The following GSTCD variants were observed in gnomAD, a reference collection of about 807,000 sequenced individuals.
GSTCD encodes glutathione S-transferase C-terminal domain-containing protein.
GSTCD carries 44 observed loss-of-function variants against 68.3 expected under a neutral mutation model. That is an observed-to-expected ratio of 0.64 (90% CI 0.51 to 0.83). The LOEUF (loss-of-function observed/expected upper bound fraction) is 0.83. Among genes scored for constraint, GSTCD ranks in the 40% least tolerant of loss-of-function variants. The probability of loss-of-function intolerance (pLI) is 0.00; values close to 1 mark genes in which losing one functional copy is unlikely to be tolerated. For synonymous variants in GSTCD, 273 were observed against 255.2 expected (o/e 1.07, Z -0.67); for missense variants, 739 against 735.9 (o/e 1.00, Z -0.05).
At position 105,731,321 on chromosome 4, in the gene GSTCD, C is replaced by T. The variant is rs142975503; in HGVS notation, c.1240+1822C>T. Among the ~76,000 whole-genome samples, 1,193 of 152,276 alleles carry T rather than the reference C, an allele frequency of 7.8e-3. 12 individuals carry two copies. The highest frequency in any genetic ancestry group is 0.026 in the African/African-American group (1,097 of 41,538). On this transcript the variant is annotated intron_variant, in intron 5 of 11. Transcript: ENST00000515279. ...CATTGAATCTATAAATTACCTTGGGCAGTATGGCCATTTTCACAATATTGA... is the reference window on the plus strand; with the variant it reads ...CATTGAATCTATAAATTACCTTGGGTAGTATGGCCATTTTCACAATATTGA...
chr4:105,801,218 A>G (rs114083016), intron 5 of GSTCD, among the ~76,000 whole-genome samples: 1,677 of 152,264 alleles, frequency 0.011, 23 homozygotes, highest in African/African-American at 0.037. Context: ...ATCAAGTGCA[A>G]CCTCAGCTAG....
At chr4:105,742,091 T>C (rs1375129730) in intron 5 of GSTCD, among the ~76,000 whole-genome samples, 1 of 152,222 alleles carries the variant, frequency 6.6e-6, no homozygotes, top group African/African-American at 2.4e-5. Flanking sequence ...TGACTCTTTA[T>C]GCTGAATTCA....
chr4:105,825,941 A>T, intron 8 of GSTCD, 141 bp downstream of exon 8: 1 of 462,184 alleles, frequency 2.2e-6, no homozygotes, highest in Non-Finnish European at 3.9e-6. Context: ...TATGAAATAT[A>T]GCATATTAAT....
chr4:105,766,462 T>C (rs1734610741), intron 5 of GSTCD, among the ~76,000 whole-genome samples: 1 of 152,226 alleles, frequency 6.6e-6, no homozygotes, highest in Non-Finnish European at 1.5e-5. Context: ...TTCCCCGCTA[T>C]ATAGAATAGA....
rs192317042 is a variant in GSTCD, at chr4:105,775,478, G to A, written c.1240+45979G>A. Among the ~76,000 whole-genome samples, 483 of 152,262 alleles carry A rather than the reference G, an allele frequency of 3.2e-3. 7 individuals are homozygous for A. The highest frequency in any genetic ancestry group is 1.3e-3 in the Non-Finnish European group (89 of 68,006). On this transcript the variant is annotated intron_variant, in intron 5 of 11. Transcript: ENST00000515279. ...TTGGCACTGGTTTTTCATCATCTTCGTGGATTTATCTACCTTTGGTCTTCA... is the reference window on the plus strand; with the variant it reads ...TTGGCACTGGTTTTTCATCATCTTCATGGATTTATCTACCTTTGGTCTTCA...
At chr4:105,804,022 A>G (rs1736233632) in intron 5 of GSTCD, among the ~76,000 whole-genome samples, 1 of 151,996 alleles carries the variant, frequency 6.6e-6, no homozygotes, top group Non-Finnish European at 1.5e-5. Flanking sequence ...TGGATACTTC[A>G]GTAGTTTTTA....
chr4:105,823,110 A>T (rs1194907066), intron 6 of GSTCD, 41 bp downstream of exon 6: 1 of 1,576,922 alleles, frequency 6.3e-7, no homozygotes, highest in East Asian at 2.2e-5. Context: ...TCTTTCTAAG[A>T]TTATGAGACT....
chr4:105,765,072 T>A (rs1235919153), intron 5 of GSTCD, among the ~76,000 whole-genome samples: 1 of 152,160 alleles, frequency 6.6e-6, no homozygotes, highest in South Asian at 2.1e-4. Context: ...GCACATGTAC[T>A]GTATAACAGA....
At chr4:105,756,484 A>G (rs918364675) in intron 5 of GSTCD, among the ~76,000 whole-genome samples, 3 of 128,730 alleles carry the variant, frequency 2.3e-5, no homozygotes, top group Non-Finnish European at 4.9e-5. Flanking sequence ...GGTAGCAGAG[A>G]CCTATGCACA....
intron 8 of GSTCD, chr4:105,827,178 A>G (rs1457791677): frequency 6.6e-6 from 1 of 152,200 alleles, no homozygotes; most frequent in Non-Finnish European, 1.5e-5. Context: ...GAAACAAGCC[A>G]TTAAACCAGT....
At chr4:105,724,435 C>CT (rs1310284491) in intron 3 of GSTCD, among the ~76,000 whole-genome samples, 2 of 151,510 alleles carry the variant, frequency 1.3e-5, no homozygotes, top group African/African-American at 2.4e-5. Context: ...TGCTAGTTAT[C>CT]TTTTTTAGTT....
intron 5 of GSTCD, among the ~76,000 whole-genome samples, chr4:105,768,062 G>A (rs961100655): frequency 2.0e-5 from 3 of 148,972 alleles, no homozygotes; most frequent in African/African-American, 7.4e-5. Flanking sequence ...TTGAGACGGA[G>A]TCTCTCCCTG....
At chr4:105,839,667 GAAGA>G (rs1724259803) in intron 10 of GSTCD, among the ~76,000 whole-genome samples, 1 of 151,542 alleles carries the variant, frequency 6.6e-6, no homozygotes. Context: ...AGAGAGGAGA[GAAGA>G]AAGAGAGGAG....
chr4:105,841,383 A>G (rs368904565), intron 10 of GSTCD, among the ~76,000 whole-genome samples: 13 of 152,238 alleles, frequency 8.5e-5, no homozygotes, highest in African/African-American at 2.9e-4. Flanking sequence ...ACCACATTCC[A>G]GAGTTTCAAA....
At chr4:105,835,246 A>G (rs1246152221) in intron 9 of GSTCD, among the ~76,000 whole-genome samples, 1 of 152,100 alleles carries the variant, frequency 6.6e-6, no homozygotes, top group Non-Finnish European at 1.5e-5. Flanking sequence ...GCTTGGGCCC[A>G]TTGGGCTCAC....
intron 5 of GSTCD, among the ~76,000 whole-genome samples, chr4:105,778,552 TATC>T: frequency 6.6e-6 from 1 of 152,268 alleles, no homozygotes; most frequent in East Asian, 1.9e-4. Flanking sequence ...TGTTAAGGAT[TATC>T]ATGCCATTTT....
In GSTCD at chr4:105,798,752, A is replaced by G. The variant is rs566397835; in HGVS notation, c.1241-24202A>G. Among the ~76,000 whole-genome samples the G allele has an allele frequency of 4.8e-4, 15 of 31,242 alleles. No individual in the cohort carries two copies. The South Asian group carries it at 0.017, about 36-fold the overall frequency. The allele number at this position is 31,242 out of a possible 152,430, so 20.5% of individuals were successfully genotyped here. On this transcript the variant is annotated intron_variant, in intron 5 of 11. Transcript: ENST00000515279. ...AGCAGGTATTCCATTTCTAGAATAC[A>G]GGCAGAATAAATTTGTCATCATTTA...
intron 8 of GSTCD, 59 bp downstream of exon 8, chr4:105,825,859 T>C: frequency 9.9e-7 from 1 of 1,007,482 alleles, no homozygotes; most frequent in Non-Finnish European, 1.5e-6. Context: ...ATTACATGCC[T>C]TAGAGTAAAT....
intron 10 of GSTCD, among the ~76,000 whole-genome samples, chr4:105,840,684 G>A (rs1724299480): frequency 6.6e-6 from 1 of 152,178 alleles, no homozygotes; most frequent in Admixed American, 6.5e-5. Context: ...TTGGCTACAT[G>A]CAGATTTAAG....
Sources: gnomAD v4.1 joint callset for allele counts (sites outside exome capture counted in the v4.1 genomes callset) on GRCh38, gnomAD v4.1.1 for gene constraint, MANE v1.5 for transcripts, NCBI Gene and HGNC (gene_info 2026-07-23, HGNC 2026-07-21) for gene names.